The following EGFR variants were observed in gnomAD, a reference collection of about 807,000 sequenced individuals.
The protein encoded by EGFR is avian erythroblastic leukemia viral (v-erb-b) oncogene homolog.
EGFR carries 58 observed loss-of-function variants against 143.0 expected under a neutral mutation model. The observed-to-expected ratio is 0.41, with a 90% CI of 0.33 to 0.50. The LOEUF is 0.50. EGFR is among the 20% of genes least tolerant of loss of function. EGFR has a pLI of 0.39. For missense variants in EGFR, 1,307 were observed against 1,579.0 expected (o/e 0.83, Z 2.92); for synonymous variants, 613 against 594.4 (o/e 1.03, Z -0.45).
chr7:55,039,286 G>A (rs1252325840), intron 1 of EGFR, among the ~76,000 whole-genome samples: 10 of 152,176 alleles, frequency 6.6e-5, no homozygotes, highest in African/African-American at 2.2e-4. Context: ...GACATTTGGG[G>A]AGCAAAGATA....
intron 1 of EGFR, among the ~76,000 whole-genome samples, chr7:55,026,679 C>G (rs1026456216): frequency 1.3e-5 from 2 of 152,140 alleles, no homozygotes; most frequent in Non-Finnish European, 2.9e-5. Context: ...GATAAACTTG[C>G]CTCCTCCCAG....
At chr7:55,075,617 A>G (rs6947902) in intron 1 of EGFR, among the ~76,000 whole-genome samples, 131,354 of 152,096 alleles carry the variant, frequency 0.86, 57,152 homozygotes, top group East Asian at 0.97. Flanking sequence ...TGGGCCACCC[A>G]AAGCTCGAGT....
At position 55,201,179 on chromosome 7, in the gene EGFR, C is replaced by T. The variant is rs377446756; in HGVS notation, c.2947-9C>T. The T allele has an allele frequency of 1.9e-6, 3 of 1,614,076 alleles. No homozygotes were observed. In the African/African-American group the frequency reaches 4.0e-5, roughly 22 times the overall value. On this transcript the variant is annotated splice_polypyrimidine_tract_variant and intron_variant, in intron 24 of 27. Coordinates refer to ENST00000275493, the MANE Select transcript of EGFR (RefSeq NM_005228.5). Reference sequence around the variant, plus strand: ...GGCCATTCTAATAGCCTCAAAATCTCTGCACCAGGGGGATGAAAGAATGCA... The same window carrying T: ...GGCCATTCTAATAGCCTCAAAATCTTTGCACCAGGGGGATGAAAGAATGCA...
In EGFR at chr7:55,110,045, A is replaced by G. The variant is rs965498046; in HGVS notation, c.89-32241A>G. 8 of 664,300 alleles carry G rather than the reference A, an allele frequency of 1.2e-5. No individual in the cohort carries two copies. In the African/African-American group the frequency reaches 1.4e-4, roughly 11 times the overall value. 41.2% of individuals were successfully genotyped at this position (664,300 alleles called of 1,614,324 possible). ...AGTGTATGTTGTTATGAGGCATCACATGATGAGATACTGCTGGGGAGGGAA... is the reference window on the plus strand; with the variant it reads ...AGTGTATGTTGTTATGAGGCATCACGTGATGAGATACTGCTGGGGAGGGAA... On this transcript the variant is annotated intron_variant, in intron 1 of 27. Coordinates refer to ENST00000275493, the MANE Select transcript of EGFR (RefSeq NM_005228.5).
At chr7:55,040,877 C>T (rs973104441) in intron 1 of EGFR, among the ~76,000 whole-genome samples, 1 of 152,220 alleles carries the variant, frequency 6.6e-6, no homozygotes, top group African/African-American at 2.4e-5. Flanking sequence ...AAAGCTACTG[C>T]ATCTACATCA....
chr7:55,156,959 T>A (rs573971468), intron 10 of EGFR, 127 bp downstream of exon 10: 10 of 1,541,062 alleles, frequency 6.5e-6, no homozygotes, highest in Non-Finnish European at 8.7e-6. Context: ...TAATGGCTGA[T>A]GTTTTGATAT....
rs377108926 is a variant in EGFR, at chr7:55,085,798, G to A, written c.89-56488G>A. Among the ~76,000 whole-genome samples the A allele has an allele frequency of 7.9e-5, 12 of 152,280 alleles. No homozygotes were observed. The East Asian group carries it at 9.7e-4, about 12-fold the overall frequency. On this transcript the variant is annotated intron_variant, in intron 1 of 27. Transcript: ENST00000275493. The stretch of plus-strand genomic sequence containing the variant: ...GGTATTTTACACATTAAATCAGCTC[G>A]TTCTCACATCAGCTCTTTTAAAAAT...
At chr7:55,174,076 C>T (rs966011722) in intron 18 of EGFR, 33 bp downstream of exon 18, 1 of 1,613,874 alleles carries the variant, frequency 6.2e-7, no homozygotes, top group African/African-American at 1.3e-5. Context: ...CTGGGCTGGG[C>T]CGCAGGGCCT....
At chr7:55,179,339 G>T (rs376899399) in intron 19 of EGFR, among the ~76,000 whole-genome samples, 14 of 152,266 alleles carry the variant, frequency 9.2e-5, no homozygotes, top group African/African-American at 3.1e-4. Flanking sequence ...CGGGACCCAA[G>T]AATGTGTGGC....
At chr7:55,049,097 G>A (rs1788338380) in intron 1 of EGFR, among the ~76,000 whole-genome samples, 1 of 152,134 alleles carries the variant, frequency 6.6e-6, no homozygotes, top group African/African-American at 2.4e-5. Flanking sequence ...ATGACAACAC[G>A]AAGGACTTCG....
chr7:55,144,732 G>T (rs1794666562), intron 3 of EGFR, among the ~76,000 whole-genome samples: 1 of 152,146 alleles, frequency 6.6e-6, no homozygotes, highest in African/African-American at 2.4e-5. Flanking sequence ...CGCCTCACAC[G>T]CTGTCTCGGA....
intron 20 of EGFR, among the ~76,000 whole-genome samples, chr7:55,188,678 G>T (rs751001822): frequency 6.6e-5 from 10 of 152,170 alleles, no homozygotes; most frequent in African/African-American, 2.4e-4. Flanking sequence ...CTCACAGGCC[G>T]TATCGCAGCT....
At chr7:55,186,108 A>G (rs1279149508) in intron 20 of EGFR, among the ~76,000 whole-genome samples, 1 of 152,216 alleles carries the variant, frequency 6.6e-6, no homozygotes, top group Non-Finnish European at 1.5e-5. Context: ...ACTCAGGCCT[A>G]TTCCTAGGTG....
chr7:55,027,588 C>T (rs1026931589), intron 1 of EGFR, among the ~76,000 whole-genome samples: 10 of 152,170 alleles, frequency 6.6e-5, no homozygotes, highest in African/African-American at 2.2e-4. Flanking sequence ...GGACTGGAGT[C>T]CAGGTTATAG....
intron 1 of EGFR, among the ~76,000 whole-genome samples, chr7:55,024,991 G>T (rs1198702948): frequency 6.6e-6 from 1 of 152,180 alleles, no homozygotes; most frequent in African/African-American, 2.4e-5. Flanking sequence ...TTTCCCCAGA[G>T]AATAGGATGT....
intron 3 of EGFR, 145 bp from the exon 4 acceptor site, chr7:55,146,461 G>A (rs534395618): frequency 1.9e-5 from 24 of 1,295,222 alleles, no homozygotes; most frequent in East Asian, 2.5e-5. Context: ...GCCGCCCCCC[G>A]GGAAGTTCAC....
Position 55,206,828 on chromosome 7 carries a change from A to T in EGFR, c.*1211A>T. Reference sequence around the variant, plus strand: ...GTCTCTGCCTTGAGTCATCTATTCAAGCACTTACAGCTCTGGCCACAACAG... The same window carrying T: ...GTCTCTGCCTTGAGTCATCTATTCATGCACTTACAGCTCTGGCCACAACAG... On this transcript the variant is annotated 3_prime_UTR_variant, in exon 28 of 28. Coordinates refer to ENST00000275493, the MANE Select transcript of EGFR (RefSeq NM_005228.5). The T allele has an allele frequency of 4.3e-6, 1 of 233,334 alleles. No individual in the cohort carries two copies. Among genetic ancestry groups the T allele is most frequent in the East Asian group, 6.0e-5 (1 of 16,584 alleles). 14.5% of individuals were successfully genotyped at this position (233,334 alleles called of 1,614,324 possible). A position where few individuals can be genotyped will look rare whatever the true frequency, so the allele number is the denominator to read the frequency against.
At chr7:55,053,274 A>G (rs555466063) in intron 1 of EGFR, among the ~76,000 whole-genome samples, 44 of 152,280 alleles carry the variant, frequency 2.9e-4, no homozygotes, top group African/African-American at 9.1e-4. Flanking sequence ...GATTCAGTTC[A>G]GGGGGCTGGG....
intron 16 of EGFR, chr7:55,172,776 G>A: frequency 1.4e-6 from 2 of 1,429,062 alleles, no homozygotes; most frequent in South Asian, 1.2e-5. Flanking sequence ...AAGTGTGCCT[G>A]GTAGGGGACT....
Sources: allele counts gnomAD v4.1 joint callset (sites outside exome capture counted in the v4.1 genomes callset), GRCh38; gene constraint gnomAD v4.1.1; transcripts MANE v1.5; gene names NCBI Gene and HGNC (gene_info 2026-07-23, HGNC 2026-07-21).